ATP2A2: variants seen among roughly 807,000 people sequenced by gnomAD.
The protein encoded by ATP2A2 is sarcoplasmic/endoplasmic reticulum calcium ATPase 2.
Under a neutral mutation model 109.3 loss-of-function variants are expected in ATP2A2, and 14 were observed. The ratio of observed to expected loss-of-function variants is 0.13; its 90% CI spans 0.08 to 0.20. ATP2A2 has a LOEUF of 0.20. Among genes scored for constraint, ATP2A2 ranks in the 10% least tolerant of loss-of-function variants. ATP2A2 has a pLI of 1.00. For synonymous variants in ATP2A2, 506 were observed against 490.9 expected (o/e 1.03, Z -0.41); for missense variants, 657 against 1,321.6 (o/e 0.50, Z 7.80).
chr12:110,289,311 T>C (rs1308397718), intron 3 of ATP2A2, among the ~76,000 whole-genome samples: 1 of 152,212 alleles, frequency 6.6e-6, no homozygotes, highest in African/African-American at 2.4e-5. Context: ...TTGTTTCTGA[T>C]ATGCTCTCCT....
chr12:110,285,880 C>T (rs529009928), intron 3 of ATP2A2, among the ~76,000 whole-genome samples: 85 of 148,268 alleles, frequency 5.7e-4, no homozygotes, highest in South Asian at 2.1e-3. Context: ...ATGTGTGTGT[C>T]TCTTTTCTTC....
chr12:110,281,779 C>A lies in ATP2A2; in HGVS notation c.-11C>A. 6.7e-7 allele frequency: 1 copy of A among 1,487,012 alleles called. No homozygotes were observed. The highest frequency in any genetic ancestry group is 9.0e-7 in the Non-Finnish European group (1 of 1,113,860). 92.1% of individuals were successfully genotyped at this position (1,487,012 alleles called of 1,614,324 possible). A position where few individuals can be genotyped will look rare whatever the true frequency, so the allele number is the denominator to read the frequency against. The stretch of plus-strand genomic sequence containing the variant: ...GGGACGGGAGGCGAGGCCGGCCGGG[C>A]CCCCGAAGCCATGGAGAACGCGCAC... On this transcript the variant is annotated 5_prime_UTR_variant, in exon 1 of 20. Coordinates refer to ENST00000539276, the MANE Select transcript of ATP2A2 (RefSeq NM_170665.4).
At chr12:110,343,475 T>A in intron 16 of ATP2A2, 41 bp downstream of exon 16, 2 of 1,606,196 alleles carry the variant, frequency 1.2e-6, no homozygotes, top group Non-Finnish European at 1.7e-6. Context: ...TTAAACAAAA[T>A]GTTTGTGAGC....
At chr12:110,300,937 T>C (rs940189722) in intron 5 of ATP2A2, among the ~76,000 whole-genome samples, 13 of 152,148 alleles carry the variant, frequency 8.5e-5, no homozygotes, top group African/African-American at 2.4e-4. Flanking sequence ...TCCACAAATA[T>C]ATGTGGTGGG....
In ATP2A2 at chr12:110,347,033, C is replaced by CCCCAAA; in HGVS notation, c.*563_*564insCCCAAA. 1 of 1,053,990 alleles carries CCCCAAA rather than the reference C, an allele frequency of 9.5e-7. No homozygotes were observed. The highest frequency in any genetic ancestry group is 1.1e-6 in the Non-Finnish European group (1 of 871,388). 65.3% of individuals were successfully genotyped at this position (1,053,990 alleles called of 1,614,324 possible). ...GGCCTCCGTTCACCCCACCCCACCC[C>CCCCAAA]ACCTCTCCCCACCTTACCCCCGCCC... On this transcript the variant is annotated 3_prime_UTR_variant, in exon 20 of 20. Coordinates refer to ENST00000539276, the MANE Select transcript of ATP2A2 (RefSeq NM_170665.4).
upstream of ATP2A2, chr12:110,280,778 G>C (rs1871941502): frequency 1.3e-5 from 2 of 152,340 alleles, no homozygotes; most frequent in South Asian, 4.1e-4. Flanking sequence ...GAAGGAGCCA[G>C]ATTAGGATGC....
intron 3 of ATP2A2, among the ~76,000 whole-genome samples, chr12:110,286,368 C>T (rs1207522845): frequency 6.6e-6 from 1 of 152,136 alleles, no homozygotes; most frequent in Non-Finnish European, 1.5e-5. Context: ...TTTTAATTTT[C>T]TTCTGTATCT....
chr12:110,347,818 A>ATGCTT lies in ATP2A2; in HGVS notation c.*1350_*1354dup. ...TGAGTATTTTCTTCCTGGGATTTGGATGCTTTAGCCTAAAGGTGACTGCCA... is the reference window on the plus strand; with the variant it reads ...TGAGTATTTTCTTCCTGGGATTTGGATGCTTTGCTTTAGCCTAAAGGTGACTGCCA... On this transcript the variant is annotated 3_prime_UTR_variant, in exon 20 of 20. Transcript: ENST00000539276. The ATGCTT allele has an allele frequency of 9.5e-7, 1 of 1,049,584 alleles. No homozygotes were observed. 65.0% of individuals were successfully genotyped at this position (1,049,584 alleles called of 1,614,324 possible). A position where few individuals can be genotyped will look rare whatever the true frequency, so the allele number is the denominator to read the frequency against.
At chr12:110,345,944 A>C in intron 18 of ATP2A2, 57 bp from the exon 19 acceptor site, 1 of 1,531,206 alleles carries the variant, frequency 6.5e-7, no homozygotes, top group Non-Finnish European at 9.0e-7. Context: ...TCTTACTGCC[A>C]CTGTGACACG....
intron 8 of ATP2A2, chr12:110,331,330 A>C (rs1257454528): frequency 6.6e-6 from 1 of 152,100 alleles, no homozygotes; most frequent in Non-Finnish European, 1.5e-5. Flanking sequence ...TGTGTTTTTA[A>C]AACACAACAT....
In ATP2A2 at chr12:110,345,287, T is replaced by A; in HGVS notation, c.2646T>A (p.Phe882Leu). ...FLQCKEDNPD[F>L]EGVDCAIFES... ...AGTGTAAAGAGGACAACCCGGACTT[T>A]GAAGGCGTGGATTGTGCAATCTTTG... The change falls in exon 18 of 20, where the codon TTT (phenylalanine) becomes TTA (leucine). Residue 882 changes from phenylalanine (F) to leucine (L), a missense_variant. Physicochemically the swap from Phe to Leu is conservative, Grantham distance 22. Transcript: ENST00000539276. The A allele has an allele frequency of 6.2e-7, 1 of 1,614,194 alleles. No individual in the cohort carries two copies. Among genetic ancestry groups the A allele is most frequent in the Non-Finnish European group, 8.5e-7 (1 of 1,180,036 alleles).
chr12:110,342,567 A>G lies in ATP2A2; in HGVS notation c.2318+119A>G. 2.4e-6 allele frequency: 3 copies of G among 1,229,266 alleles called. No individual in the cohort carries two copies. Among genetic ancestry groups the G allele is most frequent in the Non-Finnish European group, 3.5e-6 (3 of 857,458 alleles). 76.1% of individuals were successfully genotyped at this position (1,229,266 alleles called of 1,614,324 possible). A position where few individuals can be genotyped will look rare whatever the true frequency, so the allele number is the denominator to read the frequency against. On this transcript the variant is annotated intron_variant, in intron 15 of 19. Coordinates refer to ENST00000539276, the MANE Select transcript of ATP2A2 (RefSeq NM_170665.4). This position sits in a 1 kb window ranked among gnomAD's most constrained non-coding sequence, Gnocchi z 4.6. ...CTTTGGTCTTTGTGCCTGAGTTGGAAGAGGGGAGTGGGCAAGACAGAAATG... is the reference window on the plus strand; with the variant it reads ...CTTTGGTCTTTGTGCCTGAGTTGGAGGAGGGGAGTGGGCAAGACAGAAATG...
At chr12:110,318,603 A>G (rs922913058) in intron 5 of ATP2A2, among the ~76,000 whole-genome samples, 1 of 152,152 alleles carries the variant, frequency 6.6e-6, no homozygotes, top group Non-Finnish European at 1.5e-5. Context: ...CCTCCCAAGT[A>G]GCTGGGATTG....
intron 3 of ATP2A2, 75 bp downstream of exon 3, chr12:110,282,870 A>T (rs1021243729): frequency 6.5e-6 from 8 of 1,232,044 alleles, no homozygotes; most frequent in Non-Finnish European, 9.4e-6. Flanking sequence ...AAAACAAATG[A>T]TGTCCATTGG....
At chr12:110,299,891 G>A (rs570863628) in intron 5 of ATP2A2, among the ~76,000 whole-genome samples, 8 of 152,100 alleles carry the variant, frequency 5.3e-5, no homozygotes, top group Admixed American at 3.9e-4. Flanking sequence ...CAAGTAGCTG[G>A]GATTACAGGC....
chr12:110,332,204 C>T, intron 8 of ATP2A2: 1 of 286,530 alleles, frequency 3.5e-6, no homozygotes, highest in South Asian at 3.6e-5. Flanking sequence ...CACAGCCAGC[C>T]ATTTGAAATT....
intron 14 of ATP2A2, among the ~76,000 whole-genome samples, chr12:110,341,538 T>C (rs1170411333): frequency 4.6e-5 from 7 of 152,092 alleles, no homozygotes; most frequent in Non-Finnish European, 5.9e-5. Context: ...GGGAGTGCTG[T>C]TTTTGTGTCT....
chr12:110,306,073 C>A (rs144646229), intron 5 of ATP2A2, among the ~76,000 whole-genome samples: 1 of 152,108 alleles, frequency 6.6e-6, no homozygotes, highest in Non-Finnish European at 1.5e-5. Context: ...GCTCTTTCAC[C>A]GCTATGACAG....
chr12:110,313,107 T>C (rs778277045), intron 5 of ATP2A2, among the ~76,000 whole-genome samples: 39 of 152,104 alleles, frequency 2.6e-4, no homozygotes, highest in Non-Finnish European at 4.6e-4. Flanking sequence ...CATCAGACCA[T>C]GATAGGCCAG....
Sources: gnomAD v4.1 joint callset for allele counts (sites outside exome capture counted in the v4.1 genomes callset) on GRCh38, gnomAD v4.1.1 for gene constraint, Gnocchi (gnomAD v3.1) non-coding constraint, MANE v1.5 for transcripts, NCBI Gene and HGNC (gene_info 2026-07-23, HGNC 2026-07-21) for gene names.